LAMA4: variants seen among roughly 807,000 people sequenced by gnomAD.
The protein encoded by LAMA4 is laminin subunit alpha 4.
Under a neutral mutation model 207.1 loss-of-function variants are expected in LAMA4, and 127 were observed. The observed-to-expected ratio is 0.61, with a 90% CI of 0.53 to 0.71. LAMA4 has a LOEUF of 0.71. Among genes scored for constraint, LAMA4 ranks in the 30% least tolerant of loss-of-function variants. The pLI is 0.00. For missense variants in LAMA4, 2,093 were observed against 2,246.5 expected, an observed-to-expected ratio of 0.93 and a Z score of 1.38; for synonymous variants, 761 against 816.0, an observed-to-expected ratio of 0.93 and a Z score of 1.15.
intron 9 of LAMA4, chr6:112,180,061 A>C (rs1433781933): frequency 1.9e-5 from 7 of 376,452 alleles, no homozygotes; most frequent in Non-Finnish European, 2.6e-5. Flanking sequence ...CAAGCATTTA[A>C]AATTTTAGAA....
At position 112,233,158 on chromosome 6, in the gene LAMA4, C is replaced by T. The variant is rs985581469; in HGVS notation, c.196-16689G>A. Among the ~76,000 whole-genome samples the T allele has an allele frequency of 2.0e-5, 3 of 152,196 alleles. No individual in the cohort carries two copies. The South Asian group carries it at 6.2e-4, about 31-fold the overall frequency. ...ACACCGTGGTTGACTATTGATGTCA[C>T]GCCAAATGCTATCTTGACTTGTTCT... On this transcript the variant is annotated intron_variant, in intron 2 of 38. Coordinates refer to ENST00000230538, the MANE Select transcript of LAMA4 (RefSeq NM_001105206.3).
At chr6:112,180,045 C>T (rs1583813018) in intron 9 of LAMA4, 21 of 397,414 alleles carry the variant, frequency 5.3e-5, no homozygotes, top group South Asian at 2.4e-4. Context: ...TTAAAAAATA[C>T]GGACACAAGC....
chr6:112,111,419 T>C (rs1554321554), intron 38 of LAMA4, among the ~76,000 whole-genome samples: 2 of 152,226 alleles, frequency 1.3e-5, no homozygotes, highest in African/African-American at 4.8e-5. Flanking sequence ...GGTGTGTAGT[T>C]CTAGGAATTT....
chr6:112,241,170 TG>T (rs1175305818), intron 2 of LAMA4, among the ~76,000 whole-genome samples: 45 of 76,028 alleles, frequency 5.9e-4, no homozygotes, highest in African/African-American at 9.5e-4. Context: ...TGAATATATA[TG>T]AATATATATG....
intron 2 of LAMA4, among the ~76,000 whole-genome samples, chr6:112,242,967 T>C (rs1786628085): frequency 6.6e-6 from 1 of 152,216 alleles, no homozygotes; most frequent in Admixed American, 6.5e-5. Context: ...TGAACTGTTA[T>C]GTGTTGACAT....
At chr6:112,172,926 C>T (rs1781809448) in intron 11 of LAMA4, 122 bp from the exon 12 acceptor site, 2 of 736,664 alleles carry the variant, frequency 2.7e-6, no homozygotes, top group Non-Finnish European at 4.7e-6. Flanking sequence ...GAGATTGAAG[C>T]TATTGTTCAC....
intron 2 of LAMA4, among the ~76,000 whole-genome samples, chr6:112,222,758 G>T (rs1228233583): frequency 3.3e-5 from 5 of 152,160 alleles, no homozygotes; most frequent in African/African-American, 1.2e-4. Flanking sequence ...GATACCAACA[G>T]CCTTGGCGTG....
At chr6:112,190,963 T>TCTTTC (rs1408342956) in intron 6 of LAMA4, among the ~76,000 whole-genome samples, 3 of 146,234 alleles carry the variant, frequency 2.1e-5, no homozygotes, top group African/African-American at 7.7e-5. Flanking sequence ...TTTCTTTCTT[T>TCTTTC]CTTTCTTTCT....
At chr6:112,190,476 T>G (rs1782952100) in intron 6 of LAMA4, among the ~76,000 whole-genome samples, 1 of 152,216 alleles carries the variant, frequency 6.6e-6, no homozygotes. Context: ...AGTGAAAGAA[T>G]TCCTTATAGA....
chr6:112,119,139 G>A lies in LAMA4; in HGVS notation c.4821+17C>T. On this transcript the variant is annotated intron_variant, in intron 34 of 38. Transcript: ENST00000230538. ...GCTCTAATGGTCAATGGCTCTACCT[G>A]GTCATGCCTGGCTTACCTGAACATT... The A allele has an allele frequency of 1.9e-6, 3 of 1,612,992 alleles. No homozygotes were observed. The highest frequency in any genetic ancestry group is 2.5e-6 in the Non-Finnish European group (3 of 1,179,352).
In LAMA4 at chr6:112,131,121, A is replaced by G; in HGVS notation, c.3835-20T>C. The G allele has an allele frequency of 6.2e-6, 10 of 1,612,192 alleles. No individual in the cohort carries two copies. Among genetic ancestry groups the G allele is most frequent in the Non-Finnish European group, 8.5e-6 (10 of 1,178,446 alleles). ...GTCTGACTGAAATGCAAGCACAGGC[A>G]TGTAAGTAGGGAGTCTAGGGATCCA... On this transcript the variant is annotated intron_variant, in intron 28 of 38. Coordinates refer to ENST00000230538, the MANE Select transcript of LAMA4 (RefSeq NM_001105206.3).
At chr6:112,129,426 G>A (rs1278539531) in intron 30 of LAMA4, among the ~76,000 whole-genome samples, 1 of 151,994 alleles carries the variant, frequency 6.6e-6, no homozygotes, top group Non-Finnish European at 1.5e-5. Context: ...TCTTTGTTAA[G>A]GACCTAGATT....
At chr6:112,126,632 A>T (rs1370947604) in intron 31 of LAMA4, among the ~76,000 whole-genome samples, 1 of 152,200 alleles carries the variant, frequency 6.6e-6, no homozygotes, top group Admixed American at 6.5e-5. Context: ...AAATGTCAAG[A>T]TATAATGGTC....
rs150471632 is a variant in LAMA4 at position 112,115,914 on chromosome 6, G to A, written c.5061C>T (p.His1687=). Residue 1687 remains histidine (H), a synonymous_variant, in exon 36 of 39, where the codon CAC becomes CAT. Coordinates refer to ENST00000230538, the MANE Select transcript of LAMA4 (RefSeq NM_001105206.3). ...GGTACTCCCCATTGACACTGTGGCC[G>A]TGGACCAGGGTTCCGGAACTGCTTC... ...RPRSSSGTLV[H]GHSVNGEYLN... The A allele has an allele frequency of 1.5e-5, 25 of 1,613,158 alleles. No individual in the cohort carries two copies. The highest frequency in any genetic ancestry group is 6.7e-5 in the African/African-American group (5 of 74,844).
At chr6:112,233,000 A>G (rs1413994553) in intron 2 of LAMA4, among the ~76,000 whole-genome samples, 2 of 152,230 alleles carry the variant, frequency 1.3e-5, no homozygotes, top group African/African-American at 4.8e-5. Flanking sequence ...GTTCCAATAT[A>G]AACATTTCTT....
intron 14 of LAMA4, among the ~76,000 whole-genome samples, chr6:112,155,935 C>T (rs993271771): frequency 6.6e-6 from 1 of 152,194 alleles, no homozygotes; most frequent in Non-Finnish European, 1.5e-5. Context: ...GCAGTAGCAG[C>T]AGGAAAAGGG....
intron 4 of LAMA4, among the ~76,000 whole-genome samples, chr6:112,203,262 T>C (rs1412271553): frequency 6.6e-6 from 1 of 152,190 alleles, no homozygotes; most frequent in Non-Finnish European, 1.5e-5. Context: ...AGAAAATCCT[T>C]AGGAACTTAG....
rs1470494367 is a variant in LAMA4, at chr6:112,122,182, G to A, written c.4307C>T (p.Ala1436Val). The A allele has an allele frequency of 1.9e-6, 3 of 1,613,546 alleles. No homozygotes were observed. The highest frequency in any genetic ancestry group is 3.3e-5 in the Admixed American group (2 of 59,994). Residue 1436 changes from alanine (A) to valine (V), a missense_variant, in exon 32 of 39, where the codon GCA (alanine) becomes GTA (valine). Ala to Val is a moderately conservative substitution (Grantham distance 64). Transcript: ENST00000230538. ...QNKKGGKSKD[A>V]PSWDPVALKL... ...CAGAGCAACAGGATCCCATGAAGGT[G>A]CATCTTTACTTTTCCCTCCCTATAA...
intron 5 of LAMA4, chr6:112,200,174 G>A: frequency 1.9e-6 from 1 of 533,002 alleles, no homozygotes; most frequent in Non-Finnish European, 3.8e-6. Context: ...TGTGGAGAAG[G>A]CCTTTCTTAC....
Sources: gnomAD v4.1 joint callset for allele counts (sites outside exome capture counted in the v4.1 genomes callset) on GRCh38, gnomAD v4.1.1 for gene constraint, MANE v1.5 for transcripts, NCBI Gene and HGNC (gene_info 2026-07-23, HGNC 2026-07-21) for gene names.